Variants in COL14A1 observed in about 807,000 individuals in gnomAD.
COL14A1 encodes collagen type XIV alpha 1 chain.
In COL14A1, 136 loss-of-function variants were observed where a neutral mutation model predicts 230.3. The observed-to-expected ratio is 0.59, with a 90% CI of 0.51 to 0.68. The LOEUF (loss-of-function observed/expected upper bound fraction) is 0.68. COL14A1 is among the 30% of genes least tolerant of loss of function. The probability of loss-of-function intolerance (pLI) is 0.00; values close to 1 mark genes in which losing one functional copy is unlikely to be tolerated. For synonymous variants in COL14A1, 792 were observed against 784.1 expected, an observed-to-expected ratio of 1.01 and a Z score of -0.17; for missense variants, 1,976 against 2,215.8, an observed-to-expected ratio of 0.89 and a Z score of 2.17.
At chr8:120,164,090 CT>C (rs756802919) in intron 4 of COL14A1, among the ~76,000 whole-genome samples, 2 of 152,102 alleles carry the variant, frequency 1.3e-5, no homozygotes, top group African/African-American at 2.4e-5. Flanking sequence ...AAAACAGACT[CT>C]TTTAAAAAAC....
intron 13 of COL14A1, among the ~76,000 whole-genome samples, chr8:120,215,406 A>C (rs916778257): frequency 1.3e-5 from 2 of 152,004 alleles, no homozygotes; most frequent in Non-Finnish European, 2.9e-5. Flanking sequence ...GAAGGAAGGA[A>C]GGAAGGTAGG....
intron 37 of COL14A1, among the ~76,000 whole-genome samples, chr8:120,313,385 T>G (rs1413188125): frequency 6.6e-6 from 1 of 151,888 alleles, no homozygotes; most frequent in African/African-American, 2.4e-5. Flanking sequence ...AAAAAGGAAG[T>G]AAAATAATAC....
chr8:120,328,909 C>T lies in COL14A1; in HGVS notation c.4660-3232C>T, dbSNP rs796806280. On this transcript the variant is annotated intron_variant, in intron 40 of 47. Coordinates refer to ENST00000297848, the MANE Select transcript of COL14A1 (RefSeq NM_021110.4). ...CCGAGCAGAGACTTGGGGAGAACTC[C>T]GCAGTAATGCTGCAGTTTTGGTTGC... 2.0e-4 allele frequency among the ~76,000 whole-genome samples: 30 copies of T among 152,260 alleles called. 1 individual carries two copies. The highest frequency in any genetic ancestry group is 5.1e-4 in the African/African-American group (21 of 41,550).
intron 20 of COL14A1, 67 bp downstream of exon 20, chr8:120,244,075 T>C: frequency 6.4e-7 from 1 of 1,551,094 alleles, no homozygotes; most frequent in Non-Finnish European, 8.7e-7. Flanking sequence ...TCCCCTGTAA[T>C]GCACCCTGAA....
chr8:120,286,983 C>T (rs897506031), intron 33 of COL14A1, among the ~76,000 whole-genome samples: 7 of 152,152 alleles, frequency 4.6e-5, no homozygotes, highest in African/African-American at 9.7e-5. Context: ...GCAGCACCTA[C>T]GCTGCAGGAT....
chr8:120,170,948 A>G (rs563611316), intron 5 of COL14A1, among the ~76,000 whole-genome samples: 1 of 151,996 alleles, frequency 6.6e-6, no homozygotes, highest in Non-Finnish European at 1.5e-5. Flanking sequence ...ATTCTCTTAC[A>G]GTCATTGTGT....
At chr8:120,171,342 G>C (rs1384395646) in intron 5 of COL14A1, among the ~76,000 whole-genome samples, 1 of 152,074 alleles carries the variant, frequency 6.6e-6, no homozygotes, top group African/African-American at 2.4e-5. Flanking sequence ...TGTTTGTCCA[G>C]ATTTGCCCAC....
At chr8:120,316,447 TG>T (rs757437904) in intron 40 of COL14A1, among the ~76,000 whole-genome samples, 1 of 152,176 alleles carries the variant, frequency 6.6e-6, no homozygotes, top group Non-Finnish European at 1.5e-5. Flanking sequence ...TCTGTTCAAG[TG>T]GACAGTAGTA....
chr8:120,345,425 T>A lies in COL14A1; in HGVS notation c.4939T>A (p.Ser1647Thr). The change falls in exon 45 of 48, where the codon TCA becomes ACA. Residue 1647 changes from serine to threonine, a missense_variant. By Grantham distance (58) the Ser-to-Thr change is moderately conservative (BLOSUM62 1). Coordinates refer to ENST00000297848, the MANE Select transcript of COL14A1 (RefSeq NM_021110.4). ...CCTCAACCAGATTCCCAGCCACTCC[T>A]CATCCATCCGGACTGTCCAAGGGCC... Reference protein sequence around the residue: ...AILNQIPSHSSSIRTVQGPPG... With the variant: ...AILNQIPSHSTSIRTVQGPPG... The A allele has an allele frequency of 6.3e-7, 1 of 1,599,328 alleles. No homozygotes were observed. The highest frequency in any genetic ancestry group is 8.5e-7 in the Non-Finnish European group (1 of 1,173,780).
intron 36 of COL14A1, among the ~76,000 whole-genome samples, chr8:120,305,047 C>T (rs1275536203): frequency 6.6e-6 from 1 of 150,812 alleles, no homozygotes; most frequent in Non-Finnish European, 1.5e-5. Flanking sequence ...GGCACAATCT[C>T]GGCTCACCAC....
intron 23 of COL14A1, among the ~76,000 whole-genome samples, chr8:120,257,384 A>G (rs1385760587): frequency 2.0e-5 from 3 of 152,226 alleles, no homozygotes. Flanking sequence ...CTTACTGAAT[A>G]TTATTTATCA....
In COL14A1 at chr8:120,307,436, T is replaced by A. The variant is rs559955154; in HGVS notation, c.4402-2573T>A. The stretch of plus-strand genomic sequence containing the variant: ...AAATATCTACAAATAAAAATATATA[T>A]AACATCTAAGTTTGTGTAAGTACAC... On this transcript the variant is annotated intron_variant, in intron 36 of 47. Transcript: ENST00000297848. Among the ~76,000 whole-genome samples, 27 of 152,316 alleles carry A rather than the reference T, an allele frequency of 1.8e-4. No individual in the cohort carries two copies. In the South Asian group the frequency reaches 2.7e-3, roughly 15 times the overall value.
In COL14A1 at chr8:120,168,046, C is replaced by T. The variant is rs954079251; in HGVS notation, c.350-115C>T. The T allele has an allele frequency of 3.0e-5, 18 of 604,136 alleles. 1 individual carries two copies. The highest frequency in any genetic ancestry group is 2.4e-4 in the South Asian group (9 of 37,650). The allele number at this position is 604,136 out of a possible 1,614,324, so 37.4% of individuals were successfully genotyped here. ...AATATTTGGGGATGAGTTTGTACCA[C>T]GGAGCTCATTTCTATAGATACTTTT... On this transcript the variant is annotated intron_variant, in intron 4 of 47. Transcript: ENST00000297848.
chr8:120,354,549 C>T (rs565621770), intron 45 of COL14A1, among the ~76,000 whole-genome samples: 1 of 152,240 alleles, frequency 6.6e-6, no homozygotes, highest in African/African-American at 2.4e-5. Context: ...CATGGCTTTT[C>T]ATGACTTTTC....
chr8:120,209,975 A>G, intron 12 of COL14A1, 74 bp downstream of exon 12: 4 of 1,192,534 alleles, frequency 3.4e-6, no homozygotes, highest in Non-Finnish European at 3.2e-6. Context: ...TATTGTAAAA[A>G]TTTAATGTAG....
At chr8:120,191,458 C>A (rs1816823039) in intron 5 of COL14A1, among the ~76,000 whole-genome samples, 1 of 150,922 alleles carries the variant, frequency 6.6e-6, no homozygotes, top group East Asian at 1.9e-4. Context: ...GAGAGCTTTA[C>A]TTCCAACTAT....
At chr8:120,161,615 G>A (rs1362753102) in intron 3 of COL14A1, among the ~76,000 whole-genome samples, 1 of 151,984 alleles carries the variant, frequency 6.6e-6, no homozygotes, top group Non-Finnish European at 1.5e-5. Flanking sequence ...AGAGGCTGTA[G>A]AAAAAAATTC....
intron 5 of COL14A1, among the ~76,000 whole-genome samples, chr8:120,188,801 CTT>C (rs1816724712): frequency 6.6e-6 from 1 of 152,162 alleles, no homozygotes; most frequent in Non-Finnish European, 1.5e-5. Flanking sequence ...GGAATATTGT[CTT>C]AGCAATAAAA....
intron 45 of COL14A1, among the ~76,000 whole-genome samples, chr8:120,356,374 T>C (rs1822985238): frequency 6.6e-6 from 1 of 152,224 alleles, no homozygotes; most frequent in Admixed American, 6.5e-5. Flanking sequence ...TATGTATGAT[T>C]CCAGAATGCC....
Sources: gnomAD v4.1 joint callset for allele counts (sites outside exome capture counted in the v4.1 genomes callset) on GRCh38, gnomAD v4.1.1 for gene constraint, MANE v1.5 for transcripts, NCBI Gene and HGNC (gene_info 2026-07-23, HGNC 2026-07-21) for gene names.